Variants in PUDP observed in about 807,000 individuals in gnomAD.
PUDP encodes pseudouridine-5'-phosphatase.
A neutral mutation model predicts 9.4 loss-of-function variants in PUDP; 8 were observed. The observed-to-expected ratio is 0.85, with a 90% confidence interval of 0.50 to 1.53. The LOEUF (loss-of-function observed/expected upper bound fraction) is 1.53, where lower values mean the gene tolerates loss of function less well. Ranked by LOEUF, PUDP falls within the 40% of genes most tolerant of loss-of-function variation. PUDP has a pLI of 0.00. For synonymous variants in PUDP, 99 were observed against 80.7 expected (o/e 1.23, Z -1.22); for missense variants, 188 against 189.7 (o/e 0.99, Z 0.05).
chrX:6,873,105 G>A (rs761377090), intron 3 of PUDP, among the ~76,000 whole-genome samples: 2 of 111,520 alleles, frequency 1.8e-5, no homozygotes, highest in South Asian at 3.8e-4. Context: ...AGACTCAAAC[G>A]GCATAGCGCT....
At chrX:6,865,508 T>G (rs1268516795) in intron 3 of PUDP, among the ~76,000 whole-genome samples, 1 of 112,433 alleles carries the variant, frequency 8.9e-6, no homozygotes, top group African/African-American at 3.2e-5. Context: ...TTTTGGGAAC[T>G]GAACCACAAA....
intron 1 of PUDP, among the ~76,000 whole-genome samples, chrX:7,009,206 T>C (rs1315877422): frequency 8.9e-6 from 1 of 112,440 alleles, no homozygotes; most frequent in Non-Finnish European, 1.9e-5. Flanking sequence ...TCTCCGAAGT[T>C]GCCTTCTAGA....
chrX:7,026,673 T>G (rs1333233551), intron 1 of PUDP, among the ~76,000 whole-genome samples: 2 of 111,438 alleles, frequency 1.8e-5, no homozygotes, highest in Non-Finnish European at 3.8e-5. Context: ...ATTGCTGGTT[T>G]CCACCATTGG....
intron 3 of PUDP, among the ~76,000 whole-genome samples, chrX:6,819,905 G>A (rs1454050823): frequency 3.6e-5 from 4 of 110,759 alleles, no homozygotes; most frequent in African/African-American, 1.3e-4. Flanking sequence ...TAGAAAATAC[G>A]TCAGGTGTGC....
At chrX:6,745,368 G>A (rs1924987960) in intron 3 of PUDP, among the ~76,000 whole-genome samples, 1 of 112,207 alleles carries the variant, frequency 8.9e-6, no homozygotes. Flanking sequence ...ATAGTCCCAT[G>A]CCAGTACTTT....
At chrX:7,069,629 G>A (rs1016343777) in intron 3 of PUDP, among the ~76,000 whole-genome samples, 1 of 110,827 alleles carries the variant, frequency 9.0e-6, no homozygotes, top group Non-Finnish European at 1.9e-5. Context: ...GGTTATTAGA[G>A]CTGAAGACAG....
chrX:6,715,728 G>A (rs1157089691), intron 1 of PUDP, among the ~76,000 whole-genome samples: 1 of 112,029 alleles, frequency 8.9e-6, no homozygotes, highest in Non-Finnish European at 1.9e-5. Flanking sequence ...TATCACTGGT[G>A]AATTGAATAC....
Position 6,915,432 on chromosome X carries a change from T to G in PUDP, c.*247+61701A>C, listed in dbSNP as rs1230508415. ...TAGAGGGATGCCTCAGTATCTCTGG[T>G]CTCACTTATACAACCTTGGAGAAAG... On this transcript the variant is annotated intron_variant and NMD_transcript_variant, in intron 3 of 3. Transcript: ENST00000655425. Among the ~76,000 whole-genome samples the G allele has an allele frequency of 7.2e-5, 8 of 111,825 alleles. No homozygotes were observed. The East Asian group carries it at 2.3e-3, about 31-fold the overall frequency.
intron 3 of PUDP, among the ~76,000 whole-genome samples, chrX:6,975,965 C>T (rs1040869018): frequency 8.9e-6 from 1 of 112,117 alleles, no homozygotes; most frequent in South Asian, 3.7e-4. Flanking sequence ...GAGCTCTGCC[C>T]CATCTGAACT....
At chrX:7,005,651 CT>C (rs754315960) in intron 1 of PUDP, among the ~76,000 whole-genome samples, 18 of 111,177 alleles carry the variant, frequency 1.6e-4, no homozygotes, top group Admixed American at 2.9e-4. Flanking sequence ...CTCAAATGAT[CT>C]TCCTGCCTTA....
chrX:6,870,847 T>A (rs767165680), intron 3 of PUDP, among the ~76,000 whole-genome samples: 5 of 110,546 alleles, frequency 4.5e-5, no homozygotes, highest in African/African-American at 1.3e-4. Context: ...CAGGTGGAGG[T>A]TTTTTTTATA....
chrX:7,138,153 CAAGT>C (rs1366155023), intron 1 of PUDP, among the ~76,000 whole-genome samples: 1 of 111,616 alleles, frequency 9.0e-6, no homozygotes, highest in African/African-American at 3.3e-5. Flanking sequence ...GACAGAGGAA[CAAGT>C]AAGGTGGTAT....
intron 3 of PUDP, among the ~76,000 whole-genome samples, chrX:6,893,427 C>T (rs1236277799): frequency 9.0e-6 from 1 of 111,470 alleles, no homozygotes; most frequent in Non-Finnish European, 1.9e-5. Flanking sequence ...CCATTTTCCC[C>T]CTAAAATATC....
intron 1 of PUDP, among the ~76,000 whole-genome samples, chrX:7,003,414 A>T (rs1421697819): frequency 9.0e-6 from 1 of 111,279 alleles, no homozygotes; most frequent in African/African-American, 3.3e-5. Context: ...TGGCCAATGT[A>T]TTGTGAGTCC....
chrX:6,843,146 T>G (rs2060154212), intron 3 of PUDP, among the ~76,000 whole-genome samples: 1 of 112,699 alleles, frequency 8.9e-6, no homozygotes, highest in Admixed American at 9.4e-5. Context: ...TTCTTTCACC[T>G]GTGGTGTCCA....
At chrX:6,776,012 C>G (rs927769463) in intron 3 of PUDP, among the ~76,000 whole-genome samples, 6 of 111,822 alleles carry the variant, frequency 5.4e-5, no homozygotes, top group South Asian at 3.8e-4. Context: ...GAGGAAATGA[C>G]AAACCCTTTC....
chrX:6,764,371 T>C (rs767700223), intron 3 of PUDP, among the ~76,000 whole-genome samples: 1 of 112,157 alleles, frequency 8.9e-6, no homozygotes, highest in South Asian at 3.7e-4. Context: ...CCTGGTGAAT[T>C]TGCTGAGTGA....
At chrX:7,057,391 C>T (rs190536431) in intron 3 of PUDP, among the ~76,000 whole-genome samples, 2 of 109,923 alleles carry the variant, frequency 1.8e-5, no homozygotes, top group Non-Finnish European at 3.8e-5. Context: ...CTCCCCCTAA[C>T]GCATTACACT....
At chrX:7,127,934 A>G (rs1932524181) in intron 1 of PUDP, among the ~76,000 whole-genome samples, 1 of 112,412 alleles carries the variant, frequency 8.9e-6, no homozygotes, top group Non-Finnish European at 1.9e-5. Flanking sequence ...AATATATTAG[A>G]GTTTTGTAAG....
Sources: gnomAD v4.1 joint callset for allele counts (sites outside exome capture counted in the v4.1 genomes callset) on GRCh38, gnomAD v4.1.1 for gene constraint, MANE v1.5 for transcripts, NCBI Gene and HGNC (gene_info 2026-07-23, HGNC 2026-07-21) for gene names.